Variants in MARCHF2 observed in about 807,000 individuals in gnomAD.
MARCHF2 encodes E3 ubiquitin-protein ligase MARCHF2.
MARCHF2 carries 22 observed loss-of-function variants against 24.0 expected under a neutral mutation model. The observed-to-expected ratio is 0.92, with a 90% CI of 0.66 to 1.31. The LOEUF is 1.31. MARCHF2 is among the 50% of genes most tolerant of loss of function. The pLI, the probability that MARCHF2 is intolerant of heterozygous loss-of-function variation, is 0.00. For synonymous variants in MARCHF2, 154 were observed against 153.0 expected (o/e 1.01, Z -0.05); for missense variants, 301 against 335.3 (o/e 0.90, Z 0.80).
At chr19:8,429,667 G>C (rs1967523114) in intron 3 of MARCHF2, among the ~76,000 whole-genome samples, 1 of 151,436 alleles carries the variant, frequency 6.6e-6, no homozygotes, top group Non-Finnish European at 1.5e-5. Flanking sequence ...ACCACGCCCA[G>C]CTAATTTTGT....
Position 8,430,626 on chromosome 19 carries a change from C to A in MARCHF2, c.373-32C>A. 6.3e-7 allele frequency: 1 copy of A among 1,587,416 alleles called. No homozygotes were observed. Among genetic ancestry groups the A allele is most frequent in the Non-Finnish European group, 8.6e-7 (1 of 1,166,416 alleles). ...CCCTCAGTAGCCCCTTCTCTGCCCC[C>A]TCTCCTCTGCCCCCTATCCTCTCCC... On this transcript the variant is annotated intron_variant, in intron 3 of 4. Coordinates refer to ENST00000215555, the MANE Select transcript of MARCHF2 (RefSeq NM_001005415.2). The surrounding 1 kb of genome is among the most constrained non-coding windows in gnomAD (Gnocchi z 4.4).
rs1599713567 is a variant in MARCHF2 at position 8,430,589 on chromosome 19, C to T, written c.373-69C>T. 2 of 1,304,738 alleles carry T rather than the reference C, an allele frequency of 1.5e-6. No homozygotes were observed. The highest frequency in any genetic ancestry group is 2.3e-5 in the East Asian group (1 of 43,270). 80.8% of individuals were successfully genotyped at this position (1,304,738 alleles called of 1,614,324 possible). A position where few individuals can be genotyped will look rare whatever the true frequency, so the allele number is the denominator to read the frequency against. ...CAGAGGGAGGCCTAGGCCTGGAGGT[C>T]CTTACCCCTCCCCCTCAGTAGCCCC... On this transcript the variant is annotated intron_variant, in intron 3 of 4. Coordinates refer to ENST00000215555, the MANE Select transcript of MARCHF2 (RefSeq NM_001005415.2). This position sits in a 1 kb window ranked among gnomAD's most constrained non-coding sequence, Gnocchi z 4.4.
chr19:8,434,119 C>T (rs1375610270), intron 4 of MARCHF2, among the ~76,000 whole-genome samples: 1 of 130,648 alleles, frequency 7.7e-6, no homozygotes, highest in East Asian at 2.2e-4. Context: ...GGGTCTTGCT[C>T]TGTCACCCAG....
intron 4 of MARCHF2, among the ~76,000 whole-genome samples, chr19:8,433,407 G>A (rs1386761985): frequency 1.3e-5 from 2 of 151,338 alleles, no homozygotes; most frequent in South Asian, 2.1e-4. Context: ...GGCCAGGCAC[G>A]GTGGCTCACG....
intron 2 of MARCHF2, among the ~76,000 whole-genome samples, chr19:8,422,631 G>C (rs527317570): frequency 4.7e-4 from 70 of 150,322 alleles, no homozygotes; most frequent in Non-Finnish European, 9.3e-4. Flanking sequence ...GACCTCAGGT[G>C]ATCTGCCCGT....
In MARCHF2 at chr19:8,421,833, C is replaced by G. The variant is rs200082327; in HGVS notation, c.-8C>G. ...TCAGGCCCTGAGGATACGGGGCTCC[C>G]GGTGGCCATGACGACGGGTGACTGC... On this transcript the variant is annotated 5_prime_UTR_variant, in exon 2 of 5. Transcript: ENST00000215555. 181 of 1,601,972 alleles carry G rather than the reference C, an allele frequency of 1.1e-4. No individual in the cohort carries two copies. Among genetic ancestry groups the G allele is most frequent in the Non-Finnish European group, 1.4e-4 (165 of 1,173,836 alleles).
intron 1 of MARCHF2, 83 bp from the exon 2 acceptor site, chr19:8,421,706 C>T: frequency 1.4e-6 from 1 of 706,086 alleles, no homozygotes; most frequent in South Asian, 2.0e-5. Flanking sequence ...GTGGTCCCTA[C>T]AGCCTTGACA....
intron 2 of MARCHF2, among the ~76,000 whole-genome samples, chr19:8,424,575 G>T (rs931182018): frequency 6.6e-5 from 10 of 152,024 alleles, no homozygotes; most frequent in African/African-American, 2.4e-4. Flanking sequence ...GCTGAGGCAG[G>T]AGAATGGCAT....
intron 4 of MARCHF2, among the ~76,000 whole-genome samples, chr19:8,433,166 C>T (rs1057006407): frequency 2.0e-5 from 3 of 151,436 alleles, no homozygotes; most frequent in Non-Finnish European, 4.4e-5. Context: ...TGCAGTGAGC[C>T]GAGATTGCAC....
At chr19:8,438,069 T>C (rs544975260) in intron 4 of MARCHF2, among the ~76,000 whole-genome samples, 4 of 152,098 alleles carry the variant, frequency 2.6e-5, no homozygotes, top group South Asian at 4.2e-4. Flanking sequence ...CCCGGCCTGA[T>C]TGATTGACAT....
At chr19:8,425,877 A>C (rs1382697098) in intron 2 of MARCHF2, among the ~76,000 whole-genome samples, 3 of 151,524 alleles carry the variant, frequency 2.0e-5, no homozygotes, top group Non-Finnish European at 4.4e-5. Context: ...GGCCTCCCAA[A>C]GTACTGGGAT....
chr19:8,432,296 A>C (rs770879449), intron 4 of MARCHF2, among the ~76,000 whole-genome samples: 4 of 152,208 alleles, frequency 2.6e-5, no homozygotes, highest in Non-Finnish European at 5.9e-5. Context: ...AGGCTGAGGC[A>C]GGAAGATTGC....
Position 8,424,459 on chromosome 19 carries a change from A to G in MARCHF2, c.177-2150A>G, listed in dbSNP as rs937307639. Among the ~76,000 whole-genome samples, 12 of 152,094 alleles carry G rather than the reference A, an allele frequency of 7.9e-5. 1 individual carries two copies. The highest frequency in any genetic ancestry group is 1.9e-4 in the African/African-American group (8 of 41,440). On this transcript the variant is annotated intron_variant, in intron 2 of 4. Coordinates refer to ENST00000215555, the MANE Select transcript of MARCHF2 (RefSeq NM_001005415.2). ...GAGGCGGGTGGATCACGAGGTCAGG[A>G]GATCGAGACCATCCTGGCTAACACG... is the stretch of plus-strand genomic sequence containing the variant.
chr19:8,429,479 C>A (rs564380250), intron 3 of MARCHF2, among the ~76,000 whole-genome samples: 290 of 142,326 alleles, frequency 2.0e-3, no homozygotes, highest in Non-Finnish European at 3.5e-3. Flanking sequence ...AATGAAAGAA[C>A]TTATTATTAT....
intron 1 of MARCHF2, among the ~76,000 whole-genome samples, chr19:8,417,555 A>T (rs1191993475): frequency 6.6e-6 from 1 of 151,936 alleles, no homozygotes; most frequent in African/African-American, 2.4e-5. Context: ...CTCCTGCCTC[A>T]GCTTCCCAAG....
chr19:8,432,255 G>C (rs1354877306), intron 4 of MARCHF2, among the ~76,000 whole-genome samples: 2 of 151,990 alleles, frequency 1.3e-5, no homozygotes, highest in African/African-American at 4.8e-5. Context: ...AGGCCCAGTG[G>C]TTGTAACATC....
intron 3 of MARCHF2, among the ~76,000 whole-genome samples, chr19:8,429,803 CTTTTTTTT>C (rs371323385): frequency 1.3e-5 from 1 of 79,666 alleles, no homozygotes; most frequent in African/African-American, 4.2e-5. Flanking sequence ...CACACCAGGG[CTTTTTTTT>C]TTTTTTTTTT....
In MARCHF2 at chr19:8,413,354, CGGGCCGGGACCG is replaced by C. The variant is rs1966998365; in HGVS notation, c.-112_-101del. On this transcript the variant is annotated 5_prime_UTR_variant, in exon 1 of 5. Transcript: ENST00000215555. ...AGCTAGTGGCGCCGACGGGCCGGGCCGGGCCGGGACCGGGGCCGAGGCGAACCGAGGGGCCTG... is the reference window on the plus strand; with the variant it reads ...AGCTAGTGGCGCCGACGGGCCGGGCCGGGCCGAGGCGAACCGAGGGGCCTG... The C allele has an allele frequency of 6.6e-6, 1 of 151,736 alleles. No homozygotes were observed. Among genetic ancestry groups the C allele is most frequent in the Non-Finnish European group, 1.5e-5 (1 of 67,916 alleles). The allele number at this position is 151,736 out of a possible 1,614,324, so 9.4% of individuals were successfully genotyped here. A position where few individuals can be genotyped will look rare whatever the true frequency, so the allele number is the denominator to read the frequency against.
intron 4 of MARCHF2, among the ~76,000 whole-genome samples, chr19:8,434,880 A>G (rs1357473112): frequency 1.3e-5 from 2 of 150,080 alleles, no homozygotes; most frequent in Non-Finnish European, 3.0e-5. Flanking sequence ...TAATTTTTGT[A>G]TTTTTAGTAG....
Sources: gnomAD v4.1 joint callset for allele counts (sites outside exome capture counted in the v4.1 genomes callset) on GRCh38, gnomAD v4.1.1 for gene constraint, Gnocchi (gnomAD v3.1) non-coding constraint, MANE v1.5 for transcripts, NCBI Gene and HGNC (gene_info 2026-07-23, HGNC 2026-07-21) for gene names.